The following RUNDC3B variants were observed in gnomAD, a reference collection of about 807,000 sequenced individuals.
RUNDC3B encodes the protein RUN domain-containing protein 3B.
In RUNDC3B, 33 loss-of-function variants were observed where a neutral mutation model predicts 58.4. That is an observed-to-expected ratio of 0.56 (90% CI 0.43 to 0.75). The LOEUF is 0.75. RUNDC3B is among the 30% of genes least tolerant of loss of function. The pLI, the probability that RUNDC3B is intolerant of heterozygous loss-of-function variation, is 0.00. For synonymous variants in RUNDC3B, 193 were observed against 195.2 expected (o/e 0.99, Z 0.10); for missense variants, 501 against 535.7 (o/e 0.94, Z 0.64).
At chr7:87,802,685 C>T (rs1363009575) in intron 8 of RUNDC3B, among the ~76,000 whole-genome samples, 2 of 152,102 alleles carry the variant, frequency 1.3e-5, no homozygotes, top group Admixed American at 6.6e-5. Context: ...AATATACACA[C>T]CTATTATGTA....
chr7:87,715,516 TTA>T (rs199718071), intron 4 of RUNDC3B, among the ~76,000 whole-genome samples: 6,190 of 134,044 alleles, frequency 0.046, 238 homozygotes, highest in East Asian at 0.089. Flanking sequence ...ATATAATTAA[TTA>T]TATATATAAC....
chr7:87,756,751 T>C (rs939694860), intron 6 of RUNDC3B, among the ~76,000 whole-genome samples: 1 of 152,164 alleles, frequency 6.6e-6, no homozygotes, highest in Non-Finnish European at 1.5e-5. Flanking sequence ...TTTGTCAGCA[T>C]TGTTTTTCCT....
chr7:87,685,553 C>T (rs1287971970), intron 2 of RUNDC3B, among the ~76,000 whole-genome samples: 1 of 152,040 alleles, frequency 6.6e-6, no homozygotes, highest in African/African-American at 2.4e-5. Flanking sequence ...ATGTCAGATA[C>T]ATTATGGCTA....
At chr7:87,821,371 C>G (rs1031266044) in intron 10 of RUNDC3B, among the ~76,000 whole-genome samples, 20 of 152,144 alleles carry the variant, frequency 1.3e-4, no homozygotes, top group Non-Finnish European at 1.5e-4. Flanking sequence ...CTACAAACCA[C>G]TGCTCAATGA....
intron 10 of RUNDC3B, among the ~76,000 whole-genome samples, chr7:87,818,167 ATTTAGGAT>A (rs1036335148): frequency 1.2e-4 from 18 of 152,152 alleles, no homozygotes; most frequent in Non-Finnish European, 1.3e-4. Context: ...TCTAAAAGAC[ATTTAGGAT>A]TTTATTCTAA....
chr7:87,722,291 G>A (rs1056355069), intron 4 of RUNDC3B, among the ~76,000 whole-genome samples: 6 of 151,802 alleles, frequency 4.0e-5, no homozygotes, highest in Admixed American at 3.3e-4. Flanking sequence ...CTGTACAGTA[G>A]ATCTCAAAAT....
chr7:87,732,961 C>CA (rs1479337121), intron 4 of RUNDC3B, among the ~76,000 whole-genome samples: 1 of 152,124 alleles, frequency 6.6e-6, no homozygotes, highest in Non-Finnish European at 1.5e-5. Context: ...TCAGCAGTAA[C>CA]AATTGCAACA....
At chr7:87,825,200 CAGAGCGAG>C (rs1241486251) in intron 10 of RUNDC3B, among the ~76,000 whole-genome samples, 1 of 151,748 alleles carries the variant, frequency 6.6e-6, no homozygotes, top group Non-Finnish European at 1.5e-5. Context: ...GCCTGGGTGA[CAGAGCGAG>C]ACTCCATCTC....
Position 87,681,483 on chromosome 7 carries a change from C to T in RUNDC3B, c.239-18938C>T, listed in dbSNP as rs546580368. 3.4e-4 allele frequency among the ~76,000 whole-genome samples: 51 copies of T among 150,676 alleles called. 2 individuals are homozygous for T. Among genetic ancestry groups the T allele is most frequent in the Non-Finnish European group, 5.5e-4 (37 of 67,822 alleles). ...CAAAAAATTTTTGGTTTCCCCAGTG[C>T]GTATTAAAAGTTGTATTTACACTAC... On this transcript the variant is annotated intron_variant, in intron 2 of 10. Transcript: ENST00000394654.
At chr7:87,796,005 C>T (rs1409314722) in intron 8 of RUNDC3B, among the ~76,000 whole-genome samples, 1 of 152,230 alleles carries the variant, frequency 6.6e-6, no homozygotes, top group African/African-American at 2.4e-5. Flanking sequence ...TATCTACACT[C>T]CCAAGTTTTT....
intron 6 of RUNDC3B, among the ~76,000 whole-genome samples, chr7:87,763,205 G>A (rs1833793120): frequency 6.6e-6 from 1 of 151,448 alleles, no homozygotes; most frequent in African/African-American, 2.4e-5. Flanking sequence ...GCATTGCTTT[G>A]CCTCTAAATT....
At chr7:87,637,058 A>C (rs989976851) in intron 1 of RUNDC3B, among the ~76,000 whole-genome samples, 12 of 152,198 alleles carry the variant, frequency 7.9e-5, no homozygotes, top group African/African-American at 2.9e-4. Flanking sequence ...CACTATCATG[A>C]GACTAGCATG....
intron 10 of RUNDC3B, among the ~76,000 whole-genome samples, chr7:87,820,084 T>C (rs1419122716): frequency 6.6e-6 from 1 of 152,074 alleles, no homozygotes; most frequent in Non-Finnish European, 1.5e-5. Context: ...CTTCAAAAAA[T>C]TAATGAATCC....
chr7:87,633,029 CAT>C (rs1427500008), intron 1 of RUNDC3B, among the ~76,000 whole-genome samples: 2 of 152,118 alleles, frequency 1.3e-5, no homozygotes, highest in Non-Finnish European at 1.5e-5. Context: ...TTTTTAATAA[CAT>C]ATGAATAGTC....
chr7:87,687,134 G>A (rs1047745497), intron 2 of RUNDC3B, among the ~76,000 whole-genome samples: 1 of 152,026 alleles, frequency 6.6e-6, no homozygotes, highest in Admixed American at 6.6e-5. Flanking sequence ...ATTCAGTTTA[G>A]ATTTTATATT....
intron 2 of RUNDC3B, among the ~76,000 whole-genome samples, chr7:87,676,400 A>G (rs527281492): frequency 2.0e-5 from 3 of 152,040 alleles, no homozygotes; most frequent in South Asian, 2.1e-4. Flanking sequence ...CAACAACAAC[A>G]TTAAAAAATG....
At position 87,813,928 on chromosome 7, in the gene RUNDC3B, C is replaced by T. The variant is rs1341262481; in HGVS notation, c.1104-2213C>T. ...CCCAGCAGGCGGAGCTTGCAGTGAGCGGAGATCGCGCCACTGCACTCCAGC... is the reference window on the plus strand; with the variant it reads ...CCCAGCAGGCGGAGCTTGCAGTGAGTGGAGATCGCGCCACTGCACTCCAGC... On this transcript the variant is annotated intron_variant, in intron 9 of 10. Transcript: ENST00000394654. 4.7e-5 allele frequency among the ~76,000 whole-genome samples: 7 copies of T among 150,148 alleles called. No homozygotes were observed. The East Asian group carries it at 1.0e-3, about 22-fold the overall frequency.
rs551123147 is a variant in RUNDC3B at position 87,795,690 on chromosome 7, C to T, written c.957-11683C>T. 1.3e-4 allele frequency among the ~76,000 whole-genome samples: 19 copies of T among 144,188 alleles called. No homozygotes were observed. In the South Asian group the frequency reaches 3.6e-3, roughly 27 times the overall value. The allele number at this position is 144,188 out of a possible 152,430, so 94.6% of individuals were successfully genotyped here. A position where few individuals can be genotyped will look rare whatever the true frequency, so the allele number is the denominator to read the frequency against. ...GTCAGGAGTTTGAGACCAGCCTGGC[C>T]AACACGGGGAAACCCCGTCTCTACT... is the stretch of plus-strand genomic sequence containing the variant. On this transcript the variant is annotated intron_variant, in intron 8 of 10. Coordinates refer to ENST00000394654, the MANE Select transcript of RUNDC3B (RefSeq NM_001134405.2).
chr7:87,719,888 CAG>C (rs1161876674), intron 4 of RUNDC3B, among the ~76,000 whole-genome samples: 2 of 149,064 alleles, frequency 1.3e-5, no homozygotes, highest in African/African-American at 2.5e-5. Flanking sequence ...TGAGATAAAA[CAG>C]AGATGAATTT....
Sources: allele counts gnomAD v4.1 joint callset (sites outside exome capture counted in the v4.1 genomes callset), GRCh38; gene constraint gnomAD v4.1.1; transcripts MANE v1.5; gene names NCBI Gene and HGNC (gene_info 2026-07-23, HGNC 2026-07-21).